Variants in TPRG1 observed in about 807,000 individuals in gnomAD.
TPRG1 encodes tumor protein p63 regulated 1.
A neutral mutation model predicts 29.3 loss-of-function variants in TPRG1; 29 were observed. That is an observed-to-expected ratio of 0.99 (90% CI 0.74 to 1.35). The LOEUF is 1.35. TPRG1 is among the 40% of genes most tolerant of loss of function. The pLI, the probability that TPRG1 is intolerant of heterozygous loss-of-function variation, is 0.00. For synonymous variants in TPRG1, 130 were observed against 116.8 expected (o/e 1.11, Z -0.73); for missense variants, 327 against 335.0 (o/e 0.98, Z 0.19).
intron 4 of TPRG1, among the ~76,000 whole-genome samples, chr3:189,273,323 G>A (rs1053219324): frequency 6.6e-6 from 1 of 152,188 alleles, no homozygotes; most frequent in African/African-American, 2.4e-5. Context: ...TGTGGCAAGT[G>A]CTGCTGGAGT....
chr3:189,226,326 T>C (rs796200415), intron 3 of TPRG1, among the ~76,000 whole-genome samples: 4 of 152,320 alleles, frequency 2.6e-5, no homozygotes, highest in African/African-American at 7.2e-5. Context: ...ATACAGAGTA[T>C]GTTCTCTGAC....
intron 3 of TPRG1, among the ~76,000 whole-genome samples, chr3:189,232,096 C>T (rs776986436): frequency 6.6e-6 from 1 of 151,786 alleles, no homozygotes; most frequent in Non-Finnish European, 1.5e-5. Context: ...TTTCTGTAAT[C>T]AACTGGAACA....
intron 3 of TPRG1, among the ~76,000 whole-genome samples, chr3:189,143,372 T>G (rs534998935): frequency 6.6e-6 from 1 of 152,304 alleles, no homozygotes; most frequent in Admixed American, 6.5e-5. Context: ...CCAAGTGGCT[T>G]GAGATACTGC....
At chr3:189,249,755 A>G (rs1741879489) in intron 4 of TPRG1, among the ~76,000 whole-genome samples, 1 of 151,988 alleles carries the variant, frequency 6.6e-6, no homozygotes, top group African/African-American at 2.4e-5. Flanking sequence ...AGTATTATCC[A>G]TTGACTCCCT....
intron 1 of TPRG1, among the ~76,000 whole-genome samples, chr3:189,206,839 A>G (rs1734468647): frequency 2.5e-5 from 2 of 80,000 alleles, no homozygotes; most frequent in Admixed American, 1.0e-4. Context: ...GCACGCGTGT[A>G]TGCATGTGCG....
intron 4 of TPRG1, among the ~76,000 whole-genome samples, chr3:189,048,717 G>A (rs1204850914): frequency 6.6e-6 from 1 of 152,210 alleles, no homozygotes; most frequent in African/African-American, 2.4e-5. Flanking sequence ...CCTCCAGATC[G>A]ACTGCAAGAA....
rs116940942 is a variant in TPRG1 at position 189,006,537 on chromosome 3, C to A, written c.-660+1777C>A. Among the ~76,000 whole-genome samples the A allele has an allele frequency of 7.6e-3, 1,157 of 152,128 alleles. 33 individuals carry two copies. The East Asian group carries it at 0.09, about 12-fold the overall frequency. On this transcript the variant is annotated intron_variant, in intron 3 of 10. Transcript: ENST00000433971. Reference sequence around the variant, plus strand: ...GAAAGAGTGGCTCTCCTCTGGCAGGCAGATACACTCTGACAACTATAATGG... The same window carrying A: ...GAAAGAGTGGCTCTCCTCTGGCAGGAAGATACACTCTGACAACTATAATGG...
At chr3:189,154,970 A>G (rs1726470042) in intron 5 of TPRG1, among the ~76,000 whole-genome samples, 1 of 152,186 alleles carries the variant, frequency 6.6e-6, no homozygotes, top group African/African-American at 2.4e-5. Flanking sequence ...TTGAGCAAAG[A>G]CCTGAAGGAA....
intron 1 of TPRG1, among the ~76,000 whole-genome samples, chr3:189,119,983 G>T (rs945561509): frequency 6.6e-6 from 1 of 152,176 alleles, no homozygotes; most frequent in African/African-American, 2.4e-5. Context: ...GTGGCATCTA[G>T]AGCACTCCAT....
At chr3:189,036,421 A>G (rs569540880) in intron 4 of TPRG1, among the ~76,000 whole-genome samples, 2 of 152,122 alleles carry the variant, frequency 1.3e-5, no homozygotes, top group Non-Finnish European at 2.9e-5. Context: ...TACCCCATGA[A>G]CCTAAAATAA....
chr3:189,244,195 C>G (rs943988830), intron 4 of TPRG1, among the ~76,000 whole-genome samples: 2 of 152,048 alleles, frequency 1.3e-5, no homozygotes, highest in African/African-American at 4.8e-5. Flanking sequence ...TTTGGGAGGC[C>G]AAGGTGGATG....
At chr3:189,143,388 G>A (rs183957289) in intron 3 of TPRG1, among the ~76,000 whole-genome samples, 5 of 152,268 alleles carry the variant, frequency 3.3e-5, no homozygotes, top group South Asian at 2.1e-4. Context: ...ACTGCCTGTC[G>A]ATGATAAATA....
chr3:189,153,652 G>A (rs1203627489), intron 5 of TPRG1, among the ~76,000 whole-genome samples: 1 of 152,184 alleles, frequency 6.6e-6, no homozygotes, highest in Non-Finnish European at 1.5e-5. Flanking sequence ...TGCCATAGCC[G>A]GGAGATGGGT....
intron 2 of TPRG1, among the ~76,000 whole-genome samples, chr3:189,130,626 T>G (rs530131850): frequency 1.3e-5 from 2 of 150,086 alleles, no homozygotes; most frequent in East Asian, 3.9e-4. Context: ...CAAATGTAGA[T>G]TCCCTTCTGT....
intron 4 of TPRG1, among the ~76,000 whole-genome samples, chr3:189,240,866 T>G (rs1363341574): frequency 2.6e-5 from 4 of 152,220 alleles, no homozygotes; most frequent in African/African-American, 9.6e-5. Flanking sequence ...GCACATGTCA[T>G]AAACTGTCCT....
chr3:189,029,749 T>C (rs904402043), intron 4 of TPRG1, among the ~76,000 whole-genome samples: 1 of 152,154 alleles, frequency 6.6e-6, no homozygotes, highest in Non-Finnish European at 1.5e-5. Context: ...GTGAATGGCT[T>C]GGTGCCATCC....
At chr3:189,247,898 C>T (rs1271697414) in intron 4 of TPRG1, among the ~76,000 whole-genome samples, 6 of 151,554 alleles carry the variant, frequency 4.0e-5, no homozygotes, top group African/African-American at 1.5e-4. Context: ...TATTAATATG[C>T]TATTGAATAT....
chr3:189,309,133 G>A (rs1722086618), intron 4 of TPRG1, among the ~76,000 whole-genome samples: 2 of 145,640 alleles, frequency 1.4e-5, no homozygotes, highest in East Asian at 2.0e-4. Context: ...TTGGGTGTCA[G>A]TTTTCAAATA....
intron 2 of TPRG1, among the ~76,000 whole-genome samples, chr3:189,003,775 C>G (rs192467640): frequency 5.1e-4 from 77 of 152,250 alleles, no homozygotes; most frequent in Non-Finnish European, 3.4e-4. Context: ...CTTTTAAAGA[C>G]TCTTTGTGTA....
Sources: gnomAD v4.1 joint callset for allele counts (sites outside exome capture counted in the v4.1 genomes callset) on GRCh38, gnomAD v4.1.1 for gene constraint, MANE v1.5 for transcripts, NCBI Gene and HGNC (gene_info 2026-07-23, HGNC 2026-07-21) for gene names.